The following NLK variants were observed in gnomAD, a reference collection of about 807,000 sequenced individuals.
The protein encoded by NLK is serine/threonine-protein kinase NLK.
NLK carries 11 observed loss-of-function variants against 59.0 expected under a neutral mutation model. That is an observed-to-expected ratio of 0.19 (90% CI 0.12 to 0.31). The LOEUF is 0.31. Ranked by LOEUF, NLK falls within the 10% of genes least tolerant of loss-of-function variation. NLK has a pLI of 1.00. For missense variants in NLK, 410 were observed against 661.1 expected (o/e 0.62, Z 4.16); for synonymous variants, 235 against 235.9 (o/e 1.00, Z 0.03).
intron 1 of NLK, among the ~76,000 whole-genome samples, chr17:28,069,427 G>T (rs1418306064): frequency 6.6e-6 from 1 of 152,154 alleles, no homozygotes; most frequent in Non-Finnish European, 1.5e-5. Context: ...CTGGGTTGTA[G>T]AGTACATATA....
At chr17:28,086,034 T>A (rs191478761) in intron 1 of NLK, among the ~76,000 whole-genome samples, 22 of 152,312 alleles carry the variant, frequency 1.4e-4, no homozygotes, top group African/African-American at 4.1e-4. Context: ...ATATCCCTGT[T>A]GTTAAGTGAC....
Position 28,169,595 on chromosome 17 carries a change from TGTA to T in NLK, c.1047+942_1047+944del, listed in dbSNP as rs778105348. Among the ~76,000 whole-genome samples, 7 of 152,310 alleles carry T rather than the reference TGTA, an allele frequency of 4.6e-5. No homozygotes were observed. In the South Asian group the frequency reaches 1.0e-3, roughly 23 times the overall value. ...TATTAATTTGCTTGCATGAAAATAA[TGTA>T]GTAACTATGAGCTCAGGCTGTGAAA... On this transcript the variant is annotated intron_variant, in intron 6 of 10. Coordinates refer to ENST00000407008, the MANE Select transcript of NLK (RefSeq NM_016231.5).
intron 3 of NLK, among the ~76,000 whole-genome samples, chr17:28,159,504 T>TA (rs1447683941): frequency 3.3e-5 from 5 of 152,276 alleles, no homozygotes; most frequent in African/African-American, 9.6e-5. Context: ...TAAAAACTAT[T>TA]AAAAACTATA....
At chr17:28,070,094 G>A (rs1909957373) in intron 1 of NLK, among the ~76,000 whole-genome samples, 1 of 151,732 alleles carries the variant, frequency 6.6e-6, no homozygotes, top group Non-Finnish European at 1.5e-5. Flanking sequence ...AAATTAGTGA[G>A]GCATAGTGGC....
intron 1 of NLK, chr17:28,048,249 G>A (rs1173189850): frequency 9.5e-6 from 3 of 314,792 alleles, no homozygotes; most frequent in African/African-American, 4.3e-5. Context: ...AGCCTATAAC[G>A]TTGCAAGTCA....
rs190186565 is a variant in NLK at position 28,118,896 on chromosome 17, C to T, written c.459-3707C>T. 9.0e-4 allele frequency among the ~76,000 whole-genome samples: 137 copies of T among 152,242 alleles called. 1 individual carries two copies. The highest frequency in any genetic ancestry group is 3.2e-3 in the African/African-American group (132 of 41,548). On this transcript the variant is annotated intron_variant, in intron 1 of 10. Transcript: ENST00000407008. ...AAGTAAACTCCTGTAAGTAAAACTT[C>T]ACTGTTTAAGAAGGGAATCAGATGA...
chr17:28,198,825 C>T (rs1467747813), downstream of NLK, among the ~76,000 whole-genome samples: 3 of 152,188 alleles, frequency 2.0e-5, no homozygotes, highest in African/African-American at 2.4e-5. Context: ...GAGACCTCAC[C>T]TCTTGCATCT....
chr17:28,152,438 A>G (rs576664438), intron 3 of NLK, among the ~76,000 whole-genome samples: 1 of 152,332 alleles, frequency 6.6e-6, no homozygotes, highest in East Asian at 1.9e-4. Context: ...CGAGCTACCA[A>G]CTGTCACTAC....
chr17:28,194,249 TATTATC>T (rs1909406936), intron 10 of NLK, among the ~76,000 whole-genome samples: 1 of 152,228 alleles, frequency 6.6e-6, no homozygotes, highest in South Asian at 2.1e-4. Context: ...ACTTCACATC[TATTATC>T]ATTTATTCAT....
At chr17:28,071,877 C>T (rs193068728) in intron 1 of NLK, among the ~76,000 whole-genome samples, 1 of 152,354 alleles carries the variant, frequency 6.6e-6, no homozygotes, top group Admixed American at 6.5e-5. Flanking sequence ...ATGCAGTTTA[C>T]TCTTCTTTCC....
At chr17:28,057,806 A>G (rs1909492992) in intron 1 of NLK, among the ~76,000 whole-genome samples, 1 of 152,188 alleles carries the variant, frequency 6.6e-6, no homozygotes, top group Non-Finnish European at 1.5e-5. Flanking sequence ...ACTCATTTTC[A>G]GTAAATGAGC....
In NLK at chr17:28,083,235, G is replaced by A. The variant is rs35648027; in HGVS notation, c.459-39368G>A. On this transcript the variant is annotated intron_variant, in intron 1 of 10. Transcript: ENST00000407008. ...ATGGGTGTCTGTCCCTTTTGTATCT[G>A]TGACAGTGCCTAACATAGCACCTTG... Among the ~76,000 whole-genome samples, 1,000 of 152,284 alleles carry A rather than the reference G, an allele frequency of 6.6e-3. 17 individuals carry two copies. The highest frequency in any genetic ancestry group is 0.022 in the African/African-American group (931 of 41,566).
intron 1 of NLK, among the ~76,000 whole-genome samples, chr17:28,075,351 G>C (rs1229415479): frequency 6.6e-6 from 1 of 152,184 alleles, no homozygotes; most frequent in African/African-American, 2.4e-5. Flanking sequence ...TGAATCAAAG[G>C]CAAGTAATCA....
At chr17:28,066,212 CTAGAT>C (rs1387254346) in intron 1 of NLK, among the ~76,000 whole-genome samples, 1 of 152,200 alleles carries the variant, frequency 6.6e-6, no homozygotes, top group African/African-American at 2.4e-5. Flanking sequence ...CCCTCATCCT[CTAGAT>C]TACCAGTCTA....
At chr17:28,117,860 T>C (rs1905848312) in intron 1 of NLK, among the ~76,000 whole-genome samples, 2 of 152,170 alleles carry the variant, frequency 1.3e-5, no homozygotes, top group Admixed American at 1.3e-4. Flanking sequence ...ATTTATGTTT[T>C]GGATGGGGGA....
chr17:28,058,342 C>G lies in NLK; in HGVS notation c.458+15011C>G, dbSNP rs904559216. On this transcript the variant is annotated intron_variant, in intron 1 of 10. Transcript: ENST00000407008. ...GTTATCAACATCTATCAGCTTGTCTCTGTAGGTGGGCAAACTTTAAATAAC... is the reference window on the plus strand; with the variant it reads ...GTTATCAACATCTATCAGCTTGTCTGTGTAGGTGGGCAAACTTTAAATAAC... Among the ~76,000 whole-genome samples the G allele has an allele frequency of 2.6e-5, 4 of 152,334 alleles. No homozygotes were observed. In the South Asian group the frequency reaches 6.2e-4, roughly 24 times the overall value.
intron 1 of NLK, among the ~76,000 whole-genome samples, chr17:28,055,867 CAACT>C (rs1177445365): frequency 1.3e-5 from 2 of 152,114 alleles, no homozygotes; most frequent in Non-Finnish European, 2.9e-5. Flanking sequence ...TGATTAACTC[CAACT>C]GTTTTTGAAA....
intron 1 of NLK, among the ~76,000 whole-genome samples, chr17:28,081,341 T>A (rs1468060166): frequency 6.6e-6 from 1 of 151,924 alleles, no homozygotes; most frequent in African/African-American, 2.4e-5. Flanking sequence ...GTATGCCACA[T>A]GCCCAGCTAA....
chr17:28,110,973 T>G (rs1239466000), intron 1 of NLK, among the ~76,000 whole-genome samples: 1 of 150,474 alleles, frequency 6.6e-6, no homozygotes, highest in Non-Finnish European at 1.5e-5. Flanking sequence ...GCCTCCCAAG[T>G]AGCTGGGACT....
Sources: allele counts gnomAD v4.1 joint callset (sites outside exome capture counted in the v4.1 genomes callset), GRCh38; gene constraint gnomAD v4.1.1; transcripts MANE v1.5; gene names NCBI Gene and HGNC (gene_info 2026-07-23, HGNC 2026-07-21).